Variants in PARD3B observed in about 807,000 individuals in gnomAD.
The protein encoded by PARD3B is partitioning defective 3 homolog B.
PARD3B carries 103 observed loss-of-function variants against 130.2 expected under a neutral mutation model. The ratio of observed to expected loss-of-function variants is 0.79; its 90% confidence interval spans 0.67 to 0.93. The LOEUF is 0.93. Ranked by LOEUF, PARD3B falls within the 40% of genes least tolerant of loss-of-function variation. PARD3B has a pLI of 0.00. For synonymous variants in PARD3B, 583 were observed against 553.2 expected (o/e 1.05, Z -0.76); for missense variants, 1,609 against 1,499.2 (o/e 1.07, Z -1.21).
chr2:205,152,785 G>C (rs2033851991), intron 10 of PARD3B, among the ~76,000 whole-genome samples: 2 of 152,192 alleles, frequency 1.3e-5, no homozygotes, highest in East Asian at 3.9e-4. Flanking sequence ...TCTTTGTCCA[G>C]CTTTGTTCTC....
intron 2 of PARD3B, among the ~76,000 whole-genome samples, chr2:204,773,350 A>G (rs530988363): frequency 5.9e-5 from 9 of 152,066 alleles, no homozygotes; most frequent in Non-Finnish European, 1.3e-4. Flanking sequence ...AACAATGCAA[A>G]TATATTGTTT....
At chr2:205,255,442 G>A (rs1056271677) in intron 16 of PARD3B, among the ~76,000 whole-genome samples, 4 of 152,110 alleles carry the variant, frequency 2.6e-5, no homozygotes, top group Non-Finnish European at 4.4e-5. Context: ...CCAGTGGACA[G>A]CAACTCGGTG....
chr2:204,641,194 T>C (rs1260005565), intron 1 of PARD3B, among the ~76,000 whole-genome samples: 4 of 149,274 alleles, frequency 2.7e-5, no homozygotes, highest in Non-Finnish European at 5.9e-5. Flanking sequence ...TCTGGTGATA[T>C]ATGGCTGGAG....
At chr2:204,626,204 C>T (rs1404131108) in intron 1 of PARD3B, among the ~76,000 whole-genome samples, 1 of 151,938 alleles carries the variant, frequency 6.6e-6, no homozygotes, top group Non-Finnish European at 1.5e-5. Context: ...TTGAAATGCC[C>T]TAATAAATAA....
intron 2 of PARD3B, among the ~76,000 whole-genome samples, chr2:204,823,375 T>C (rs2043440086): frequency 6.6e-6 from 1 of 151,910 alleles, no homozygotes; most frequent in Admixed American, 6.6e-5. Context: ...TCATTTTCAA[T>C]AAAATAATAT....
intron 3 of PARD3B, among the ~76,000 whole-genome samples, chr2:204,973,559 C>T (rs1202869130): frequency 7.0e-6 from 1 of 142,962 alleles, no homozygotes; most frequent in Non-Finnish European, 1.5e-5. Flanking sequence ...TTTCTTTCCA[C>T]CCAGATGGGC....
intron 21 of PARD3B, among the ~76,000 whole-genome samples, chr2:205,541,044 A>G (rs939819320): frequency 2.6e-5 from 4 of 152,226 alleles, no homozygotes; most frequent in African/African-American, 4.8e-5. Context: ...TTTTAAAGAC[A>G]TTGAAAGTAA....
intron 18 of PARD3B, among the ~76,000 whole-genome samples, chr2:205,378,440 G>A (rs1007686388): frequency 6.6e-6 from 1 of 152,084 alleles, no homozygotes; most frequent in African/African-American, 2.4e-5. Flanking sequence ...TCAAGTAAGT[G>A]TCATTTTTCT....
intron 2 of PARD3B, among the ~76,000 whole-genome samples, chr2:204,920,421 T>C (rs2047629593): frequency 6.6e-6 from 1 of 152,162 alleles, no homozygotes. Flanking sequence ...TAAACACCTT[T>C]TGGAGCGAAA....
chr2:204,693,320 C>A (rs1253057008), intron 2 of PARD3B, among the ~76,000 whole-genome samples: 1 of 151,952 alleles, frequency 6.6e-6, no homozygotes, highest in Non-Finnish European at 1.5e-5. Flanking sequence ...TTTTTAGTCT[C>A]TTCCTTACCT....
rs2048077310 is a variant in PARD3B at position 205,450,882 on chromosome 2, T to A, written c.3044+10210T>A. Among the ~76,000 whole-genome samples the A allele has an allele frequency of 2.0e-5, 3 of 152,306 alleles. No homozygotes were observed. In the South Asian group the frequency reaches 6.2e-4, roughly 32 times the overall value. On this transcript the variant is annotated intron_variant, in intron 20 of 22. Transcript: ENST00000406610. Reference sequence around the variant, plus strand: ...ATTGTTTGTTACAAACCATAACTCATTAGATATCCCTAAGCTCATCATCGG... The same window carrying A: ...ATTGTTTGTTACAAACCATAACTCAATAGATATCCCTAAGCTCATCATCGG...
rs1395782520 is a variant in PARD3B at position 204,566,894 on chromosome 2, T to C, written c.120+20775T>C. Among the ~76,000 whole-genome samples, 3 of 152,098 alleles carry C rather than the reference T, an allele frequency of 2.0e-5. No homozygotes were observed. The East Asian group carries it at 5.8e-4, about 29-fold the overall frequency. On this transcript the variant is annotated intron_variant, in intron 1 of 22. Coordinates refer to ENST00000406610, the MANE Select transcript of PARD3B (RefSeq NM_001302769.2). ...CTTTCTAAACCTCTTTTTTTTTTTT[T>C]TTGAGACGGAGTCTCGCTCTGTTTC... is the stretch of plus-strand genomic sequence containing the variant.
At chr2:204,905,017 A>T (rs1463459611) in intron 2 of PARD3B, among the ~76,000 whole-genome samples, 2 of 152,200 alleles carry the variant, frequency 1.3e-5, no homozygotes, top group Non-Finnish European at 2.9e-5. Context: ...TCAAGAAGAG[A>T]CTAGGCTTTG....
intron 22 of PARD3B, among the ~76,000 whole-genome samples, chr2:205,602,303 T>C (rs1352917397): frequency 1.3e-5 from 2 of 152,268 alleles, no homozygotes; most frequent in South Asian, 2.1e-4. Context: ...GATTTTTGCA[T>C]TGACGTTCAT....
chr2:204,952,862 TG>T (rs988801109), intron 2 of PARD3B, among the ~76,000 whole-genome samples: 1 of 151,714 alleles, frequency 6.6e-6, no homozygotes, highest in African/African-American at 2.4e-5. Context: ...CCGGGTGTGG[TG>T]GTGGGCGCTT....
intron 2 of PARD3B, among the ~76,000 whole-genome samples, chr2:204,944,035 GAA>G (rs1689119233): frequency 1.1e-5 from 1 of 93,578 alleles, no homozygotes; most frequent in African/African-American, 4.5e-5. Flanking sequence ...ATTTAAAAAG[GAA>G]GAAGAAGAGA....
intron 9 of PARD3B, among the ~76,000 whole-genome samples, 163 bp downstream of exon 9, chr2:205,124,629 A>T (rs1052754161): frequency 2.0e-5 from 3 of 152,178 alleles, no homozygotes; most frequent in African/African-American, 7.2e-5. Context: ...TAACTATAGA[A>T]CTGGTTAATG....
At chr2:205,120,316 G>C (rs16836974) in intron 7 of PARD3B, among the ~76,000 whole-genome samples, 4,698 of 152,212 alleles carry the variant, frequency 0.031, 232 homozygotes, top group African/African-American at 0.11. Context: ...GTATGGAGTA[G>C]AAACTGATTC....
chr2:205,398,989 C>A (rs1216538388), intron 18 of PARD3B, among the ~76,000 whole-genome samples: 4 of 152,136 alleles, frequency 2.6e-5, no homozygotes, highest in African/African-American at 9.6e-5. Flanking sequence ...CTAAGAATCG[C>A]TGGGCACGGT....
Sources: allele counts gnomAD v4.1 joint callset (sites outside exome capture counted in the v4.1 genomes callset), GRCh38; gene constraint gnomAD v4.1.1; transcripts MANE v1.5; gene names NCBI Gene and HGNC (gene_info 2026-07-23, HGNC 2026-07-21).